The following ERCC6L2 variants were observed in gnomAD, a reference collection of about 807,000 sequenced individuals.
ERCC6L2 encodes the protein ERCC excision repair 6 like 2, also known as DNA excision repair protein ERCC-6-like 2.
Under a neutral mutation model 132.0 loss-of-function variants are expected in ERCC6L2, and 77 were observed. The ratio of observed to expected loss-of-function variants is 0.58; its 90% confidence interval spans 0.49 to 0.71. The LOEUF is 0.71. ERCC6L2 is among the 30% of genes least tolerant of loss of function. The pLI, the probability that ERCC6L2 is intolerant of heterozygous loss-of-function variation, is 0.00. For synonymous variants in ERCC6L2, 583 were observed against 632.4 expected (o/e 0.92, Z 1.17); for missense variants, 1,542 against 1,837.6 (o/e 0.84, Z 2.94).
At chr9:95,890,508 A>C (rs1271934190) in intron 2 of ERCC6L2, among the ~76,000 whole-genome samples, 1 of 152,196 alleles carries the variant, frequency 6.6e-6, no homozygotes, top group East Asian at 1.9e-4. Context: ...TTTTGTTAGA[A>C]TATTTTAAAA....
At chr9:95,966,014 A>G (rs908679477) in intron 13 of ERCC6L2, among the ~76,000 whole-genome samples, 3 of 152,218 alleles carry the variant, frequency 2.0e-5, no homozygotes, top group Admixed American at 1.3e-4. Flanking sequence ...GTGTTTTTAA[A>G]TGTTCCATGT....
At chr9:95,944,916 C>T (rs1323762312) in intron 12 of ERCC6L2, among the ~76,000 whole-genome samples, 1 of 152,074 alleles carries the variant, frequency 6.6e-6, no homozygotes, top group African/African-American at 2.4e-5. Context: ...TATCACAAGG[C>T]AAATGGAGGC....
intron 16 of ERCC6L2, among the ~76,000 whole-genome samples, chr9:95,976,849 T>C (rs990359323): frequency 2.4e-4 from 36 of 152,324 alleles, no homozygotes; most frequent in Admixed American, 6.5e-5. Flanking sequence ...AGCTGAGATA[T>C]AAGCAAGGAC....
chr9:95,955,795 A>C, intron 12 of ERCC6L2, 119 bp from the exon 13 acceptor site: 1 of 518,532 alleles, frequency 1.9e-6, no homozygotes, highest in Admixed American at 3.9e-5. Context: ...TAAACATAAA[A>C]TGTTTATTTT....
At position 96,013,275 on chromosome 9, in the gene ERCC6L2, C is replaced by A. The variant is rs572674443; in HGVS notation, c.*72C>A. The A allele has an allele frequency of 5.9e-5, 71 of 1,197,764 alleles. No homozygotes were observed. In the East Asian group the frequency reaches 3.1e-3, roughly 52 times the overall value. 74.2% of individuals were successfully genotyped at this position (1,197,764 alleles called of 1,614,324 possible). On this transcript the variant is annotated 3_prime_UTR_variant, in exon 19 of 19. Coordinates refer to ENST00000653738, the MANE Select transcript of ERCC6L2 (RefSeq NM_020207.7). ...TACGGCACTGGATTCCACACTGATT[C>A]TATTATCTTGAACACAGTTGTTGAC...
Position 95,955,924 on chromosome 9 carries a change from A to T in ERCC6L2, c.1858A>T (p.Ile620Phe), listed in dbSNP as rs1403436124. The T allele has an allele frequency of 1.9e-6, 3 of 1,597,770 alleles. No individual in the cohort carries two copies. Among genetic ancestry groups the T allele is most frequent in the Non-Finnish European group, 2.6e-6 (3 of 1,172,098 alleles). ...DLQAIDRAYR[I>F]GQCRDVKVLR... is the part of the protein sequence containing the mutation. ...TTAATCCTTTTACAGAGCATATAGG[A>T]TTGGACAATGTAGAGATGTCAAAGT... is the stretch of plus-strand genomic sequence containing the variant. The change falls in exon 13 of 19, where the codon ATT becomes TTT. Residue 620 changes from isoleucine to phenylalanine, a missense_variant. Ile to Phe is a conservative substitution (Grantham distance 21). This residue lies in a region of ERCC6L2 where 945 missense variants were observed against 1,105.2 expected (regional missense o/e 0.86). Coordinates refer to ENST00000653738, the MANE Select transcript of ERCC6L2 (RefSeq NM_020207.7).
chr9:95,910,697 A>G (rs1829300897), intron 4 of ERCC6L2, among the ~76,000 whole-genome samples: 1 of 152,212 alleles, frequency 6.6e-6, no homozygotes, highest in Admixed American at 6.5e-5. Flanking sequence ...ATTATTGGTA[A>G]AATTGGATAT....
At chr9:95,891,509 T>G (rs1379662899) in intron 2 of ERCC6L2, among the ~76,000 whole-genome samples, 2 of 152,186 alleles carry the variant, frequency 1.3e-5, no homozygotes, top group African/African-American at 4.8e-5. Flanking sequence ...TGAATAATGC[T>G]TCTGTGAACA....
intron 7 of ERCC6L2, among the ~76,000 whole-genome samples, chr9:95,921,724 AG>A (rs1457796080): frequency 1.3e-5 from 2 of 152,204 alleles, no homozygotes; most frequent in African/African-American, 4.8e-5. Context: ...TGAGTATCAA[AG>A]AAAGTGTTTT....
intron 12 of ERCC6L2, among the ~76,000 whole-genome samples, chr9:95,942,780 G>A (rs1314727812): frequency 6.6e-6 from 1 of 152,070 alleles, no homozygotes; most frequent in African/African-American, 2.4e-5. Context: ...TAATTTTGAA[G>A]GGGCATTTAG....
chr9:96,025,555 T>C (rs995618862), intron 19 of ERCC6L2, among the ~76,000 whole-genome samples: 1 of 151,978 alleles, frequency 6.6e-6, no homozygotes, highest in African/African-American at 2.4e-5. Flanking sequence ...GACACTGAGC[T>C]ACACAACACA....
chr9:95,922,148 G>T (rs1052433649), intron 7 of ERCC6L2, among the ~76,000 whole-genome samples, 157 bp from the exon 8 acceptor site: 1 of 152,172 alleles, frequency 6.6e-6, no homozygotes, highest in African/African-American at 2.4e-5. Context: ...TTAGCTATTT[G>T]TGGATATTTT....
At chr9:95,934,248 G>T (rs1480014542) in intron 11 of ERCC6L2, among the ~76,000 whole-genome samples, 1 of 152,078 alleles carries the variant, frequency 6.6e-6, no homozygotes, top group Non-Finnish European at 1.5e-5. Flanking sequence ...TTAAATACAG[G>T]ATATGTAGAT....
chr9:95,980,034 T>G (rs1832829927), intron 17 of ERCC6L2, among the ~76,000 whole-genome samples: 1 of 152,182 alleles, frequency 6.6e-6, no homozygotes, highest in Admixed American at 6.5e-5. Context: ...ATCTAAATAT[T>G]TATCAGAGAA....
chr9:95,906,384 A>G (rs1829035766), intron 3 of ERCC6L2, among the ~76,000 whole-genome samples: 1 of 152,146 alleles, frequency 6.6e-6, no homozygotes, highest in Non-Finnish European at 1.5e-5. Flanking sequence ...GATTGGGGGC[A>G]GTTTCTGCAG....
exon 20 of ERCC6L2, chr9:96,038,995 G>T (rs80355294): frequency 1.8e-5 from 8 of 452,456 alleles, no homozygotes; most frequent in Non-Finnish European, 1.3e-5. Flanking sequence ...GCCCACAGCC[G>T]TGGAGATGAA....
chr9:95,886,084 C>T (rs767115011), intron 2 of ERCC6L2, among the ~76,000 whole-genome samples: 11 of 152,036 alleles, frequency 7.2e-5, no homozygotes, highest in East Asian at 1.9e-4. Flanking sequence ...AGCGAGATCT[C>T]GGCTCACTGC....
downstream of ERCC6L2, among the ~76,000 whole-genome samples, chr9:96,019,139 C>T (rs2133245290): frequency 6.6e-6 from 1 of 152,238 alleles, no homozygotes; most frequent in South Asian, 2.1e-4. Context: ...ATTGGCCTCC[C>T]TACATTTTTT....
intron 17 of ERCC6L2, among the ~76,000 whole-genome samples, chr9:95,985,086 A>G (rs1195961383): frequency 6.6e-6 from 1 of 152,168 alleles, no homozygotes; most frequent in Admixed American, 6.5e-5. Flanking sequence ...CGTTTTTTCC[A>G]CAAAGCCTCA....
Sources: gnomAD v4.1 joint callset for allele counts (sites outside exome capture counted in the v4.1 genomes callset) on GRCh38, gnomAD v4.1.1 for gene constraint, gnomAD v4.1.1 regional missense constraint, MANE v1.5 for transcripts, NCBI Gene and HGNC (gene_info 2026-07-23, HGNC 2026-07-21) for gene names.